COX7B2: variants seen among roughly 807,000 people sequenced by gnomAD.
COX7B2 encodes the protein cytochrome c oxidase subunit 7B2, mitochondrial.
For missense variants in COX7B2, 109 were observed against 95.9 expected, an observed-to-expected ratio of 1.14 and a Z score of -0.57; for synonymous variants, 37 against 32.1, an observed-to-expected ratio of 1.15 and a Z score of -0.51.
intron 2 of COX7B2, among the ~76,000 whole-genome samples, chr4:46,763,868 T>C (rs956297929): frequency 2.6e-5 from 4 of 152,060 alleles, no homozygotes; most frequent in South Asian, 4.1e-4. Flanking sequence ...TTAGAAAAAA[T>C]TGATTCCCCA....
intron 2 of COX7B2, among the ~76,000 whole-genome samples, chr4:46,826,864 G>A (rs908922621): frequency 6.6e-6 from 1 of 152,122 alleles, no homozygotes; most frequent in African/African-American, 2.4e-5. Flanking sequence ...CTACTAGCAT[G>A]TGGAGGGATG....
intron 2 of COX7B2, among the ~76,000 whole-genome samples, chr4:46,736,692 A>G (rs1714384956): frequency 6.6e-6 from 1 of 152,162 alleles, no homozygotes; most frequent in African/African-American, 2.4e-5. Flanking sequence ...TCAGAATGTC[A>G]TATAGTTGTA....
chr4:46,781,892 C>T (rs576464348), intron 2 of COX7B2, among the ~76,000 whole-genome samples: 10 of 152,310 alleles, frequency 6.6e-5, no homozygotes, highest in South Asian at 2.1e-4. Context: ...GCCGCCTCCC[C>T]GTGTGGCAGG....
chr4:46,772,028 G>A (rs1716907051), intron 2 of COX7B2, among the ~76,000 whole-genome samples: 1 of 152,102 alleles, frequency 6.6e-6, no homozygotes, highest in Non-Finnish European at 1.5e-5. Flanking sequence ...CATGCAAGAT[G>A]TGGGATCAAC....
At chr4:46,781,551 C>T (rs1381894397) in intron 2 of COX7B2, among the ~76,000 whole-genome samples, 2 of 152,228 alleles carry the variant, frequency 1.3e-5, no homozygotes. Context: ...TCAGCGCCTC[C>T]TTGGCCTCAG....
At chr4:46,760,893 GA>G (rs1485426709) in intron 2 of COX7B2, among the ~76,000 whole-genome samples, 1 of 152,202 alleles carries the variant, frequency 6.6e-6, no homozygotes, top group African/African-American at 2.4e-5. Flanking sequence ...GAAAGAATAT[GA>G]AAAAAGTTTT....
chr4:46,844,876 CA>C (rs1716169276), intron 2 of COX7B2, 83 bp downstream of exon 2: 1 of 151,836 alleles, frequency 6.6e-6, no homozygotes, highest in African/African-American at 2.4e-5. Context: ...TTATTTTTTA[CA>C]AAATTTCCTA....
intron 1 of COX7B2, among the ~76,000 whole-genome samples, chr4:46,883,054 T>C (rs1205389063): frequency 1.3e-5 from 2 of 152,184 alleles, no homozygotes; most frequent in Non-Finnish European, 2.9e-5. Flanking sequence ...TGATAGGCAA[T>C]GAGAAATAAA....
At chr4:46,905,553 T>G (rs1306131557) in intron 1 of COX7B2, among the ~76,000 whole-genome samples, 1 of 152,200 alleles carries the variant, frequency 6.6e-6, no homozygotes, top group Non-Finnish European at 1.5e-5. Context: ...TCATCCTACC[T>G]GGGAGTAAAA....
intron 1 of COX7B2, among the ~76,000 whole-genome samples, chr4:46,846,814 T>C (rs557216463): frequency 6.6e-6 from 1 of 152,188 alleles, no homozygotes; most frequent in East Asian, 1.9e-4. Flanking sequence ...GATTTTCTGA[T>C]AAGCTAGATG....
intron 1 of COX7B2, among the ~76,000 whole-genome samples, chr4:46,888,466 C>T (rs757946948): frequency 1.2e-4 from 18 of 149,632 alleles, no homozygotes; most frequent in East Asian, 3.9e-4. Flanking sequence ...TTTTTTGAGA[C>T]GGAGTCTTGA....
intron 2 of COX7B2, among the ~76,000 whole-genome samples, chr4:46,782,825 C>T (rs1717553976): frequency 6.6e-6 from 1 of 152,122 alleles, no homozygotes; most frequent in African/African-American, 2.4e-5. Flanking sequence ...GTCAGCGAGA[C>T]CACGAACCCA....
At position 46,898,577 on chromosome 4, in the gene COX7B2, C is replaced by T. The variant is rs1359179273; in HGVS notation, c.-105+10583G>A. Among the ~76,000 whole-genome samples the T allele has an allele frequency of 2.0e-5, 3 of 152,064 alleles. No homozygotes were observed. In the East Asian group the frequency reaches 5.8e-4, roughly 29 times the overall value. ...GGACTACAAACATACACCACCATGCCTGGCTAATTTTTTATTTTTTTATTT... is the reference window on the plus strand; with the variant it reads ...GGACTACAAACATACACCACCATGCTTGGCTAATTTTTTATTTTTTTATTT... On this transcript the variant is annotated intron_variant, in intron 1 of 2. Coordinates refer to ENST00000355591, the MANE Select transcript of COX7B2 (RefSeq NM_130902.3).
chr4:46,894,112 C>G (rs938810872), intron 1 of COX7B2, among the ~76,000 whole-genome samples: 1 of 152,162 alleles, frequency 6.6e-6, no homozygotes, highest in Non-Finnish European at 1.5e-5. Context: ...AGAGTCAATG[C>G]TATTCCCATC....
chr4:46,793,884 G>A (rs763141462), intron 2 of COX7B2, among the ~76,000 whole-genome samples: 8 of 152,184 alleles, frequency 5.3e-5, no homozygotes, highest in Non-Finnish European at 1.0e-4. Context: ...ATTCTGATTA[G>A]TTTTCTTTTC....
At chr4:46,858,634 TG>T (rs1468348745) in intron 1 of COX7B2, among the ~76,000 whole-genome samples, 1 of 152,088 alleles carries the variant, frequency 6.6e-6, no homozygotes, top group East Asian at 1.9e-4. Context: ...CTTAATAATT[TG>T]GGGGGAGTAG....
intron 2 of COX7B2, among the ~76,000 whole-genome samples, chr4:46,806,367 T>C (rs1293028175): frequency 6.6e-6 from 1 of 151,928 alleles, no homozygotes; most frequent in African/African-American, 2.4e-5. Context: ...AAAAAAAAAC[T>C]TTTCCATGTC....
intron 2 of COX7B2, among the ~76,000 whole-genome samples, chr4:46,771,134 A>G (rs929194148): frequency 6.6e-6 from 1 of 152,222 alleles, no homozygotes; most frequent in Non-Finnish European, 1.5e-5. Context: ...AAGTAACCCA[A>G]TTTAAAAACA....
chr4:46,875,979 C>T (rs558368940), intron 1 of COX7B2, among the ~76,000 whole-genome samples: 24 of 152,178 alleles, frequency 1.6e-4, no homozygotes, highest in African/African-American at 5.5e-4. Flanking sequence ...TTATATGCTG[C>T]TCTGCATTGT....
Sources: allele counts gnomAD v4.1 joint callset (sites outside exome capture counted in the v4.1 genomes callset), GRCh38; gene constraint gnomAD v4.1.1; transcripts MANE v1.5; gene names NCBI Gene and HGNC (gene_info 2026-07-23, HGNC 2026-07-21).